The following SGPL1 variants were observed in gnomAD, a reference collection of about 807,000 sequenced individuals.
SGPL1 encodes the protein sphingosine-1-phosphate lyase 1.
A neutral mutation model predicts 68.9 loss-of-function variants in SGPL1; 37 were observed. The observed-to-expected ratio is 0.54, with a 90% confidence interval of 0.41 to 0.71. The LOEUF (loss-of-function observed/expected upper bound fraction) is 0.71. SGPL1 is among the 30% of genes least tolerant of loss of function. SGPL1 has a pLI of 0.00. For missense variants in SGPL1, 551 were observed against 704.6 expected (o/e 0.78, Z 2.47); for synonymous variants, 236 against 248.5 (o/e 0.95, Z 0.47).
chr10:70,872,212 A>G (rs938219899), intron 11 of SGPL1, among the ~76,000 whole-genome samples: 3 of 152,194 alleles, frequency 2.0e-5, no homozygotes, highest in African/African-American at 4.8e-5. Context: ...CTTTATCTCA[A>G]ATTGGCTAAG....
chr10:70,834,743 G>A (rs1290848225), intron 2 of SGPL1, among the ~76,000 whole-genome samples: 1 of 152,170 alleles, frequency 6.6e-6, no homozygotes, highest in South Asian at 2.1e-4. Context: ...TTTGGCTCTT[G>A]GAGTAAACTA....
At chr10:70,876,466 G>A (rs934415600) in intron 13 of SGPL1, 75 bp from the exon 14 acceptor site, 158 of 1,363,322 alleles carry the variant, frequency 1.2e-4, no homozygotes, top group Non-Finnish European at 1.5e-4. Context: ...GGAAATTCCC[G>A]TATTTGGGGC....
Position 70,870,184 on chromosome 10 carries a change from A to G in SGPL1, c.810+287A>G, listed in dbSNP as rs555881116. Among the ~76,000 whole-genome samples the G allele has an allele frequency of 7.2e-5, 11 of 152,186 alleles. No homozygotes were observed. In the South Asian group the frequency reaches 2.3e-3, roughly 32 times the overall value. The stretch of plus-strand genomic sequence containing the variant: ...TCTTTTCTCTATTTGTAAAATGAAC[A>G]TGGACTCACTTCCCCTAAGACTCTT... On this transcript the variant is annotated intron_variant, in intron 9 of 14. Transcript: ENST00000373202.
chr10:70,856,182 G>T (rs113261331), intron 5 of SGPL1, among the ~76,000 whole-genome samples: 4,586 of 152,168 alleles, frequency 0.03, 99 homozygotes, highest in South Asian at 0.077. Context: ...TTTTAGTAGA[G>T]ATAAGATTTC....
At chr10:70,847,654 A>G (rs547045130) in intron 3 of SGPL1, among the ~76,000 whole-genome samples, 66 of 152,332 alleles carry the variant, frequency 4.3e-4, no homozygotes, top group Non-Finnish European at 8.1e-4. Flanking sequence ...AATGTTGACA[A>G]TTTTATACAA....
intron 2 of SGPL1, among the ~76,000 whole-genome samples, chr10:70,823,330 T>G (rs1433275138): frequency 6.7e-6 from 1 of 149,316 alleles, no homozygotes; most frequent in East Asian, 1.9e-4. Flanking sequence ...AAGTTTTGTT[T>G]AATTCTAAGA....
chr10:70,851,454 GC>G (rs3842238), intron 4 of SGPL1, among the ~76,000 whole-genome samples: 11 of 150,930 alleles, frequency 7.3e-5, no homozygotes, highest in Middle Eastern at 3.4e-3. Flanking sequence ...GTACAGGGCA[GC>G]CCCCCCCCAC....
chr10:70,828,196 T>C (rs1376229020), intron 2 of SGPL1, among the ~76,000 whole-genome samples: 1 of 140,028 alleles, frequency 7.1e-6, no homozygotes, highest in East Asian at 1.9e-4. Context: ...ACCAGAGTTT[T>C]AATATATAAC....
In SGPL1 at chr10:70,869,857, T is replaced by A. The variant is rs756546163; in HGVS notation, c.770T>A (p.Val257Glu). The A allele has an allele frequency of 1.9e-6, 3 of 1,614,124 alleles. No individual in the cohort carries two copies. The highest frequency in any genetic ancestry group is 2.5e-6 in the Non-Finnish European group (3 of 1,180,004). ...KAASYFGMKI[V>E]RVPLTKMMEV... is the part of the protein sequence containing the mutation. Reference sequence around the variant, plus strand: ...GCCAGTTACTTTGGGATGAAGATTGTGCGGGTCCCATTGACGAAGATGATG... The same window carrying A: ...GCCAGTTACTTTGGGATGAAGATTGAGCGGGTCCCATTGACGAAGATGATG... The change falls in exon 9 of 15, where the codon GTG (valine) becomes GAG (glutamate). Residue 257 changes from valine to glutamate, a missense_variant. Val to Glu is a moderately radical substitution (Grantham distance 121). Coordinates refer to ENST00000373202, the MANE Select transcript of SGPL1 (RefSeq NM_003901.4).
At chr10:70,864,390 T>C (rs1846139944) in intron 7 of SGPL1, among the ~76,000 whole-genome samples, 1 of 152,202 alleles carries the variant, frequency 6.6e-6, no homozygotes, top group Non-Finnish European at 1.5e-5. Flanking sequence ...CTTTTTTAAA[T>C]CTGGGTTCAA....
At chr10:70,816,379 C>T (rs1845228367) in intron 1 of SGPL1, among the ~76,000 whole-genome samples, 1 of 151,888 alleles carries the variant, frequency 6.6e-6, no homozygotes, top group African/African-American at 2.4e-5. Context: ...TAGGCATGGG[C>T]GGCCAGGATT....
intron 2 of SGPL1, among the ~76,000 whole-genome samples, chr10:70,834,848 A>T (rs1845599269): frequency 6.6e-6 from 1 of 152,200 alleles, no homozygotes; most frequent in Non-Finnish European, 1.5e-5. Flanking sequence ...ATGCATTTTA[A>T]ACCAGAAGAT....
intron 14 of SGPL1, 86 bp downstream of exon 14, chr10:70,876,747 T>C: frequency 8.4e-7 from 1 of 1,195,362 alleles, no homozygotes; most frequent in Non-Finnish European, 1.2e-6. Flanking sequence ...CCGGAGTCTG[T>C]TCCTGCCTCT....
chr10:70,877,093 C>T, intron 14 of SGPL1, 102 bp from the exon 15 acceptor site: 1 of 1,143,340 alleles, frequency 8.7e-7, no homozygotes, highest in East Asian at 2.4e-5. Flanking sequence ...GGGCAGTGCA[C>T]ATGCGAAGCT....
At chr10:70,820,689 T>A (rs111860282) in intron 2 of SGPL1, among the ~76,000 whole-genome samples, 1 of 151,984 alleles carries the variant, frequency 6.6e-6, no homozygotes, top group African/African-American at 2.4e-5. Flanking sequence ...GCAAGAGAGT[T>A]GCTTGAACCC....
chr10:70,870,610 G>A (rs374687064), intron 9 of SGPL1, among the ~76,000 whole-genome samples: 9 of 152,074 alleles, frequency 5.9e-5, no homozygotes, highest in South Asian at 4.2e-4. Context: ...GTGTAGAGGA[G>A]TTTTCTAGTT....
rs751745363 is a variant in SGPL1, at chr10:70,844,561, C to T, written c.116C>T (p.Pro39Leu). The T allele has an allele frequency of 6.2e-7, 1 of 1,614,106 alleles. No individual in the cohort carries two copies. Among genetic ancestry groups the T allele is most frequent in the South Asian group, 1.1e-5 (1 of 91,084 alleles). Reference protein sequence around the residue: ...YVNGHCTKYEPWQLIAWSVVW... With the variant: ...YVNGHCTKYELWQLIAWSVVW... ...AATGGACATTGCACCAAGTATGAGC[C>T]CTGGCAGCTAATTGCATGGAGTGTC... The change falls in exon 3 of 15, where the codon CCC becomes CTC. Residue 39 changes from proline to leucine, a missense_variant. Coordinates refer to ENST00000373202, the MANE Select transcript of SGPL1 (RefSeq NM_003901.4).
At chr10:70,876,378 A>G (rs116234766) in intron 13 of SGPL1, among the ~76,000 whole-genome samples, 163 bp from the exon 14 acceptor site, 2,433 of 152,250 alleles carry the variant, frequency 0.016, 46 homozygotes, top group African/African-American at 0.054. Context: ...CACCCCAAGC[A>G]TGAGAGAGCC....
At chr10:70,859,821 T>C (rs1457530249) in intron 7 of SGPL1, among the ~76,000 whole-genome samples, 1 of 152,170 alleles carries the variant, frequency 6.6e-6, no homozygotes, top group African/African-American at 2.4e-5. Flanking sequence ...ATTGAGTTGC[T>C]AGGATGGCTT....
Sources: gnomAD v4.1 joint callset for allele counts (sites outside exome capture counted in the v4.1 genomes callset) on GRCh38, gnomAD v4.1.1 for gene constraint, MANE v1.5 for transcripts, NCBI Gene and HGNC (gene_info 2026-07-23, HGNC 2026-07-21) for gene names.